The following NCALD variants were observed in gnomAD, a reference collection of about 807,000 sequenced individuals.
The protein encoded by NCALD is neurocalcin-delta.
A neutral mutation model predicts 18.6 loss-of-function variants in NCALD; 10 were observed. The observed-to-expected ratio is 0.54, with a 90% CI of 0.33 to 0.91. The LOEUF is 0.91. Among genes scored for constraint, NCALD ranks in the 40% least tolerant of loss-of-function variants. The pLI is 0.03. For synonymous variants in NCALD, 88 were observed against 87.4 expected (o/e 1.01, Z -0.04); for missense variants, 184 against 247.6 (o/e 0.74, Z 1.72).
chr8:101,949,057 G>A (rs908865036), intron 2 of NCALD, among the ~76,000 whole-genome samples: 1 of 152,154 alleles, frequency 6.6e-6, no homozygotes, highest in South Asian at 2.1e-4. Flanking sequence ...CAGGTGCCAC[G>A]TGTTCCAAGT....
chr8:101,795,211 C>T (rs1253781537), upstream of NCALD, among the ~76,000 whole-genome samples: 1 of 152,052 alleles, frequency 6.6e-6, no homozygotes, highest in East Asian at 1.9e-4. Flanking sequence ...AAATAGCTAG[C>T]TAGATATATA....
chr8:102,120,135 T>C (rs1354738392), intron 1 of NCALD, among the ~76,000 whole-genome samples: 1 of 152,206 alleles, frequency 6.6e-6, no homozygotes, highest in African/African-American at 2.4e-5. Flanking sequence ...GAGCAAATTA[T>C]TGCGTGCTTC....
intron 1 of NCALD, among the ~76,000 whole-genome samples, chr8:102,036,473 C>T (rs1040520949): frequency 2.6e-5 from 4 of 151,578 alleles, no homozygotes; most frequent in Admixed American, 1.3e-4. Context: ...CAAAGAAATG[C>T]CAATCAAAAC....
intron 1 of NCALD, among the ~76,000 whole-genome samples, chr8:101,740,183 G>C (rs1810124033): frequency 6.6e-6 from 1 of 152,192 alleles, no homozygotes; most frequent in South Asian, 2.1e-4. Flanking sequence ...TTAGAATCAT[G>C]TACAGGGTCT....
At chr8:102,089,325 C>T (rs1037912513) in intron 1 of NCALD, among the ~76,000 whole-genome samples, 3 of 151,024 alleles carry the variant, frequency 2.0e-5, no homozygotes, top group East Asian at 1.9e-4. Flanking sequence ...ACCCGGGAGG[C>T]GGAGCTTGCA....
chr8:101,772,617 G>A (rs529590384), intron 1 of NCALD, among the ~76,000 whole-genome samples: 1 of 152,274 alleles, frequency 6.6e-6, no homozygotes, highest in South Asian at 2.1e-4. Context: ...CATAATTTCA[G>A]GCTTTGATTG....
chr8:101,746,376 C>G (rs530063447), intron 1 of NCALD, among the ~76,000 whole-genome samples: 39 of 152,190 alleles, frequency 2.6e-4, no homozygotes, highest in African/African-American at 8.9e-4. Flanking sequence ...TGAGGTACTG[C>G]ATGTACAAGT....
intron 2 of NCALD, among the ~76,000 whole-genome samples, chr8:101,921,880 T>C (rs183152965): frequency 6.6e-6 from 1 of 152,266 alleles, no homozygotes; most frequent in Non-Finnish European, 1.5e-5. Flanking sequence ...TGTGAAATAA[T>C]TTTTATGTAT....
chr8:101,720,199 A>T lies in NCALD; in HGVS notation c.-19-551T>A, dbSNP rs554839737. Among the ~76,000 whole-genome samples, 7 of 152,340 alleles carry T rather than the reference A, an allele frequency of 4.6e-5. No homozygotes were observed. The East Asian group carries it at 1.2e-3, about 25-fold the overall frequency. ...AGACATAAAGACAGAAAATGGAAGC[A>T]AACCTAATACCACCAAACTCCAACA... On this transcript the variant is annotated intron_variant, in intron 1 of 3. Transcript: ENST00000220931.
chr8:101,821,513 T>G (rs1813716207), intron 4 of NCALD, among the ~76,000 whole-genome samples: 1 of 152,152 alleles, frequency 6.6e-6, no homozygotes, highest in Non-Finnish European at 1.5e-5. Flanking sequence ...ATAGGTCCTG[T>G]GTGGTCCATG....
At chr8:102,052,086 A>G (rs1823476608) in intron 1 of NCALD, among the ~76,000 whole-genome samples, 1 of 152,246 alleles carries the variant, frequency 6.6e-6, no homozygotes, top group Non-Finnish European at 1.5e-5. Flanking sequence ...AAATGGGAAG[A>G]ATCTCTCAGA....
chr8:102,000,932 A>G (rs1359857545), intron 2 of NCALD, among the ~76,000 whole-genome samples: 1 of 152,230 alleles, frequency 6.6e-6, no homozygotes, highest in Non-Finnish European at 1.5e-5. Context: ...GGGAAGAAAC[A>G]GAGCAGAAAA....
intron 4 of NCALD, among the ~76,000 whole-genome samples, chr8:101,813,285 A>C (rs1049871170): frequency 2.6e-5 from 4 of 152,168 alleles, no homozygotes; most frequent in African/African-American, 9.6e-5. Flanking sequence ...GAGTTGGGAG[A>C]AGTGCTGAGC....
At chr8:101,971,380 A>G (rs1048737349) in intron 2 of NCALD, among the ~76,000 whole-genome samples, 13 of 151,814 alleles carry the variant, frequency 8.6e-5, no homozygotes, top group African/African-American at 3.1e-4. Flanking sequence ...CATAATCCCC[A>G]TGTGTCAAGG....
intron 2 of NCALD, among the ~76,000 whole-genome samples, chr8:101,926,856 C>T (rs1278077827): frequency 6.6e-6 from 1 of 152,128 alleles, no homozygotes; most frequent in Non-Finnish European, 1.5e-5. Context: ...TTTCTGTGGC[C>T]ACTTTCCAGG....
At chr8:101,774,199 A>G (rs1031018881) in intron 1 of NCALD, among the ~76,000 whole-genome samples, 2 of 152,234 alleles carry the variant, frequency 1.3e-5, no homozygotes, top group African/African-American at 4.8e-5. Context: ...CTGGAGAGCA[A>G]CTTGGGAATA....
At chr8:101,838,261 C>T (rs983840289) in intron 4 of NCALD, among the ~76,000 whole-genome samples, 5 of 151,846 alleles carry the variant, frequency 3.3e-5, no homozygotes, top group Non-Finnish European at 7.4e-5. Flanking sequence ...CTTGCCCTGT[C>T]GCCAGCCTGG....
At chr8:102,111,801 T>C (rs1246656522) in intron 1 of NCALD, among the ~76,000 whole-genome samples, 1 of 152,096 alleles carries the variant, frequency 6.6e-6, no homozygotes, top group African/African-American at 2.4e-5. Flanking sequence ...TACATAACAC[T>C]ACAGTTATGT....
chr8:101,889,657 G>A (rs980876745), intron 3 of NCALD, among the ~76,000 whole-genome samples: 2 of 152,020 alleles, frequency 1.3e-5, no homozygotes, highest in Non-Finnish European at 2.9e-5. Flanking sequence ...AAATATCCTT[G>A]GCTACAGCAA....
Sources: allele counts gnomAD v4.1 joint callset (sites outside exome capture counted in the v4.1 genomes callset), GRCh38; gene constraint gnomAD v4.1.1; transcripts MANE v1.5; gene names NCBI Gene and HGNC (gene_info 2026-07-23, HGNC 2026-07-21).